Variants in SPTLC3 observed in about 807,000 individuals in gnomAD.
The protein encoded by SPTLC3 is serine palmitoyltransferase long chain base subunit 3, also known as serine palmitoyltransferase 3.
Under a neutral mutation model 59.3 loss-of-function variants are expected in SPTLC3, and 36 were observed. The ratio of observed to expected loss-of-function variants is 0.61; its 90% CI spans 0.47 to 0.80. The LOEUF (loss-of-function observed/expected upper bound fraction) is 0.80. SPTLC3 is among the 30% of genes least tolerant of loss of function. The probability of loss-of-function intolerance (pLI) is 0.00; values close to 1 mark genes in which losing one functional copy is unlikely to be tolerated. For missense variants in SPTLC3, 625 were observed against 685.1 expected (o/e 0.91, Z 0.98); for synonymous variants, 257 against 240.8 (o/e 1.07, Z -0.62).
intron 2 of SPTLC3, among the ~76,000 whole-genome samples, 194 bp from the exon 3 acceptor site, chr20:13,072,062 G>A (rs1260130906): frequency 1.3e-5 from 2 of 152,140 alleles, no homozygotes; most frequent in African/African-American, 4.8e-5. Flanking sequence ...TTCATCACAT[G>A]TTTTCATTCC....
At chr20:13,081,002 C>T (rs1438297283) in intron 4 of SPTLC3, among the ~76,000 whole-genome samples, 1 of 152,098 alleles carries the variant, frequency 6.6e-6, no homozygotes. Flanking sequence ...AGAACAAAAG[C>T]TCTGGGATTA....
rs556025325 is a variant in SPTLC3, at chr20:13,052,200, C to T, written c.303+3070C>T. Among the ~76,000 whole-genome samples, 27 of 152,194 alleles carry T rather than the reference C, an allele frequency of 1.8e-4. No individual in the cohort carries two copies. In the South Asian group the frequency reaches 5.6e-3, roughly 32 times the overall value. Reference sequence around the variant, plus strand: ...GCTCATCTCACTGGGACTGGTTAGACGGTTGGTGCAGACCACAGAGGGCAA... The same window carrying T: ...GCTCATCTCACTGGGACTGGTTAGATGGTTGGTGCAGACCACAGAGGGCAA... On this transcript the variant is annotated intron_variant, in intron 2 of 11. Transcript: ENST00000399002.
chr20:13,039,067 A>G (rs961649751), intron 1 of SPTLC3, among the ~76,000 whole-genome samples: 4 of 152,112 alleles, frequency 2.6e-5, no homozygotes, highest in African/African-American at 9.6e-5. Context: ...AGAATGTTCC[A>G]TATGCGCTTT....
intron 9 of SPTLC3, among the ~76,000 whole-genome samples, chr20:13,142,889 C>G (rs564578435): frequency 1.3e-5 from 2 of 152,132 alleles, no homozygotes; most frequent in Admixed American, 1.3e-4. Flanking sequence ...GAGAGTCTCC[C>G]TCACATCAAA....
intron 1 of SPTLC3, among the ~76,000 whole-genome samples, chr20:13,026,609 C>A (rs1243140413): frequency 6.6e-6 from 1 of 152,084 alleles, no homozygotes; most frequent in Non-Finnish European, 1.5e-5. Context: ...AGCATCAATA[C>A]GTCTTCAAAT....
At chr20:13,078,852 C>T (rs1345890142) in intron 4 of SPTLC3, among the ~76,000 whole-genome samples, 2 of 151,900 alleles carry the variant, frequency 1.3e-5, no homozygotes, top group South Asian at 2.1e-4. Context: ...TCCCTCCACT[C>T]GAAATAGAGT....
chr20:13,087,751 C>G (rs1989050649), intron 4 of SPTLC3, among the ~76,000 whole-genome samples: 1 of 152,146 alleles, frequency 6.6e-6, no homozygotes. Context: ...AGTATCTGCA[C>G]CCCAAGGACT....
In SPTLC3 at chr20:13,114,495, TAGTC is replaced by T. The variant is rs569051779; in HGVS notation, c.933-3008_933-3005del. Among the ~76,000 whole-genome samples the T allele has an allele frequency of 2.8e-3, 424 of 152,290 alleles. 2 individuals carry two copies. Among genetic ancestry groups the T allele is most frequent in the African/African-American group, 9.6e-3 (401 of 41,562 alleles). ...CAAAATAAAATTAATCAAGGAATAA[TAGTC>T]AGCTCTTCTAAAACAAATACATATA... On this transcript the variant is annotated intron_variant, in intron 7 of 11. Transcript: ENST00000399002.
rs1351996466 is a variant in SPTLC3, at chr20:13,091,527, C to T, written c.732+320C>T. Among the ~76,000 whole-genome samples the T allele has an allele frequency of 7.3e-5, 11 of 150,378 alleles. No individual in the cohort carries two copies. The South Asian group carries it at 1.9e-3, about 26-fold the overall frequency. On this transcript the variant is annotated intron_variant, in intron 5 of 11. Transcript: ENST00000399002. ...AGTGGAGGTTGCAATGAGCCGAGAT[C>T]GGGCCACTGCACTCTAGCCTGGTGA...
intron 10 of SPTLC3, among the ~76,000 whole-genome samples, chr20:13,158,406 T>C (rs1439072855): frequency 6.6e-6 from 1 of 152,196 alleles, no homozygotes; most frequent in East Asian, 1.9e-4. Context: ...TCATATATTT[T>C]GCCCTGCATT....
intron 6 of SPTLC3, among the ~76,000 whole-genome samples, chr20:13,099,456 A>G (rs1989530904): frequency 6.6e-6 from 1 of 152,186 alleles, no homozygotes; most frequent in Non-Finnish European, 1.5e-5. Context: ...GTGTATTCTA[A>G]CTTCTTACAG....
At chr20:13,094,753 G>T (rs571292953) in intron 6 of SPTLC3, among the ~76,000 whole-genome samples, 1 of 152,186 alleles carries the variant, frequency 6.6e-6, no homozygotes, top group Non-Finnish European at 1.5e-5. Context: ...CTCACTGAGT[G>T]GGGTGAGGTC....
chr20:13,032,439 G>T (rs1986526038), intron 1 of SPTLC3, among the ~76,000 whole-genome samples: 1 of 152,148 alleles, frequency 6.6e-6, no homozygotes, highest in East Asian at 1.9e-4. Context: ...GACAAAGTCT[G>T]GCTTACCCTG....
At chr20:13,077,169 G>A (rs548917726) in intron 4 of SPTLC3, among the ~76,000 whole-genome samples, 1 of 152,022 alleles carries the variant, frequency 6.6e-6, no homozygotes, top group South Asian at 2.1e-4. Flanking sequence ...GTCTCCCACA[G>A]TTGACAACCA....
chr20:13,019,615 A>G (rs1436596480), intron 1 of SPTLC3, among the ~76,000 whole-genome samples: 1 of 152,160 alleles, frequency 6.6e-6, no homozygotes. Context: ...ACTAACCCAA[A>G]TCTAAAATAT....
At chr20:13,021,675 A>G (rs1985894144) in intron 1 of SPTLC3, among the ~76,000 whole-genome samples, 1 of 151,564 alleles carries the variant, frequency 6.6e-6, no homozygotes, top group Non-Finnish European at 1.5e-5. Context: ...ACTCTAACCA[A>G]TGGAGACTGC....
chr20:13,068,377 A>G (rs1317888344), intron 2 of SPTLC3, among the ~76,000 whole-genome samples: 2 of 152,214 alleles, frequency 1.3e-5, no homozygotes, highest in Non-Finnish European at 2.9e-5. Context: ...ATAAAGATAT[A>G]TCCTATTGCA....
chr20:13,157,345 G>A (rs2038797199), intron 10 of SPTLC3, among the ~76,000 whole-genome samples: 1 of 152,022 alleles, frequency 6.6e-6, no homozygotes, highest in South Asian at 2.1e-4. Context: ...ATTGAGGCAG[G>A]ATAATCGCTG....
chr20:13,128,214 CAAG>C (rs2038038866), intron 9 of SPTLC3, among the ~76,000 whole-genome samples: 1 of 152,144 alleles, frequency 6.6e-6, no homozygotes, highest in Non-Finnish European at 1.5e-5. Context: ...AGGTGATCGA[CAAG>C]TATTTGAAGC....
Sources: gnomAD v4.1 joint callset for allele counts (sites outside exome capture counted in the v4.1 genomes callset) on GRCh38, gnomAD v4.1.1 for gene constraint, MANE v1.5 for transcripts, NCBI Gene and HGNC (gene_info 2026-07-23, HGNC 2026-07-21) for gene names.